The following GRID1 variants were observed in gnomAD, a reference collection of about 807,000 sequenced individuals.
The protein encoded by GRID1 is glutamate ionotropic receptor delta type subunit 1.
GRID1 carries 28 observed loss-of-function variants against 98.0 expected under a neutral mutation model. The observed-to-expected ratio is 0.29, with a 90% CI of 0.21 to 0.39. The LOEUF is 0.39. Ranked by LOEUF, GRID1 falls within the 10% of genes least tolerant of loss-of-function variation. The pLI is 1.00. For missense variants in GRID1, 1,111 were observed against 1,340.5 expected (o/e 0.83, Z 2.67); for synonymous variants, 553 against 538.5 (o/e 1.03, Z -0.37).
chr10:85,739,157 A>AACAC (rs777345708), intron 8 of GRID1, among the ~76,000 whole-genome samples: 8 of 151,852 alleles, frequency 5.3e-5, no homozygotes, highest in African/African-American at 1.9e-4. Flanking sequence ...CATACACACA[A>AACAC]ACACACACAC....
intron 4 of GRID1, among the ~76,000 whole-genome samples, chr10:85,924,058 T>C (rs761036736): frequency 5.3e-5 from 8 of 152,166 alleles, no homozygotes; most frequent in East Asian, 1.9e-4. Context: ...ACGAAGCCAC[T>C]TGTGGGACAC....
chr10:85,919,523 C>T (rs967127831), intron 4 of GRID1, among the ~76,000 whole-genome samples: 1 of 152,148 alleles, frequency 6.6e-6, no homozygotes, highest in Non-Finnish European at 1.5e-5. Context: ...CCCATCAACC[C>T]GCGCCACTCC....
At chr10:86,364,198 G>T (rs1848643932) in intron 1 of GRID1, 102 bp from the exon 2 acceptor site, 12 of 939,518 alleles carry the variant, frequency 1.3e-5, no homozygotes, top group Non-Finnish European at 1.8e-5. Flanking sequence ...ATTGCCGGGT[G>T]GTGGGAAGTC....
chr10:85,904,792 A>G (rs1476521823), intron 5 of GRID1, among the ~76,000 whole-genome samples: 1 of 152,074 alleles, frequency 6.6e-6, no homozygotes, highest in Non-Finnish European at 1.5e-5. Flanking sequence ...TGAACACATA[A>G]CAATAAAAAT....
At chr10:86,237,153 C>T (rs554707072) in intron 2 of GRID1, among the ~76,000 whole-genome samples, 142 of 152,248 alleles carry the variant, frequency 9.3e-4, no homozygotes, top group Middle Eastern at 3.4e-3. Context: ...GTGACATTAC[C>T]TCCTATGTTA....
intron 8 of GRID1, among the ~76,000 whole-genome samples, chr10:85,768,626 A>G (rs1258748856): frequency 6.6e-6 from 1 of 152,250 alleles, no homozygotes; most frequent in East Asian, 1.9e-4. Flanking sequence ...CCTCTAAAAC[A>G]TTTGAAAAGA....
intron 2 of GRID1, among the ~76,000 whole-genome samples, chr10:86,248,701 T>G (rs1481597026): frequency 6.6e-6 from 1 of 151,356 alleles, no homozygotes; most frequent in East Asian, 2.0e-4. Context: ...GCCTCCTGAG[T>G]AGCTGGGACT....
At chr10:86,108,520 C>T (rs1317385236) in intron 4 of GRID1, among the ~76,000 whole-genome samples, 4 of 152,186 alleles carry the variant, frequency 2.6e-5, no homozygotes, top group African/African-American at 9.7e-5. Flanking sequence ...TACACATGCA[C>T]ACCCACACAT....
At chr10:85,646,261 G>C (rs1046860832) in intron 13 of GRID1, 1 of 150,728 alleles carries the variant, frequency 6.6e-6, no homozygotes, top group African/African-American at 2.5e-5. Context: ...GAGAGGCAGC[G>C]GTCCTGGCCA....
At chr10:85,797,181 T>A (rs1842532880) in intron 8 of GRID1, among the ~76,000 whole-genome samples, 1 of 152,136 alleles carries the variant, frequency 6.6e-6, no homozygotes, top group Non-Finnish European at 1.5e-5. Flanking sequence ...AAGAGTTTTT[T>A]AAAAAACCTC....
intron 4 of GRID1, among the ~76,000 whole-genome samples, chr10:86,119,803 T>C (rs1844639486): frequency 1.3e-5 from 2 of 151,974 alleles, no homozygotes; most frequent in African/African-American, 4.8e-5. Flanking sequence ...TTTTTTGGGT[T>C]TTTTTGAGAC....
At chr10:85,996,139 G>A (rs1842736469) in intron 4 of GRID1, among the ~76,000 whole-genome samples, 1 of 152,172 alleles carries the variant, frequency 6.6e-6, no homozygotes, top group African/African-American at 2.4e-5. Context: ...GAATGTAAGT[G>A]AAACCAAGAG....
chr10:85,776,678 T>C (rs1842334599), intron 8 of GRID1, among the ~76,000 whole-genome samples: 1 of 152,214 alleles, frequency 6.6e-6, no homozygotes, highest in African/African-American at 2.4e-5. Context: ...CAAGCCTCTA[T>C]GTCAACAAGC....
At chr10:86,197,267 G>A (rs1473437654) in intron 3 of GRID1, among the ~76,000 whole-genome samples, 1 of 152,122 alleles carries the variant, frequency 6.6e-6, no homozygotes, top group African/African-American at 2.4e-5. Flanking sequence ...CAGGAAGAGT[G>A]TCCCAGGCAG....
chr10:85,745,572 T>G (rs1841987917), intron 8 of GRID1, among the ~76,000 whole-genome samples: 2 of 119,852 alleles, frequency 1.7e-5, no homozygotes, highest in South Asian at 3.0e-4. Flanking sequence ...GGGACGGTGG[T>G]GGGGTCGAAG....
intron 12 of GRID1, among the ~76,000 whole-genome samples, chr10:85,713,592 C>A (rs11201746): frequency 0.061 from 9,047 of 149,390 alleles, 527 homozygotes; most frequent in African/African-American, 0.15. Flanking sequence ...ATGTGCAAAT[C>A]TTCAACAAAA....
chr10:86,106,332 C>T (rs568175283), intron 4 of GRID1, among the ~76,000 whole-genome samples: 1 of 152,302 alleles, frequency 6.6e-6, no homozygotes, highest in South Asian at 2.1e-4. Flanking sequence ...AAAGGCTTTG[C>T]AACCACACAG....
chr10:86,043,693 C>T (rs1193745130), intron 4 of GRID1, among the ~76,000 whole-genome samples: 1 of 152,238 alleles, frequency 6.6e-6, no homozygotes, highest in Non-Finnish European at 1.5e-5. Flanking sequence ...TACAATGCAT[C>T]ATAAATAATC....
chr10:86,323,815 T>A (rs926219841), intron 2 of GRID1, among the ~76,000 whole-genome samples: 2 of 152,224 alleles, frequency 1.3e-5, no homozygotes, highest in African/African-American at 4.8e-5. Context: ...CCACAATTTT[T>A]AAAAATGAAT....
Sources: allele counts gnomAD v4.1 joint callset (sites outside exome capture counted in the v4.1 genomes callset), GRCh38; gene constraint gnomAD v4.1.1; transcripts MANE v1.5; gene names NCBI Gene and HGNC (gene_info 2026-07-23, HGNC 2026-07-21).